HTRA4: variants seen among roughly 807,000 people sequenced by gnomAD.
HTRA4 encodes the protein HtrA serine peptidase 4, also known as serine protease HTRA4.
A neutral mutation model predicts 49.1 loss-of-function variants in HTRA4; 46 were observed. The observed-to-expected ratio is 0.94, with a 90% confidence interval of 0.74 to 1.20. HTRA4 has a LOEUF of 1.20. Among genes scored for constraint, HTRA4 ranks in the 50% most tolerant of loss-of-function variants. The pLI is 0.00. For synonymous variants in HTRA4, 261 were observed against 264.0 expected, an observed-to-expected ratio of 0.99 and a Z score of 0.11; for missense variants, 602 against 636.9, an observed-to-expected ratio of 0.95 and a Z score of 0.59.
intron 5 of HTRA4, among the ~76,000 whole-genome samples, chr8:38,979,696 T>C: frequency 6.6e-6 from 1 of 152,166 alleles, no homozygotes; most frequent in East Asian, 1.9e-4. Flanking sequence ...TTTATTTATT[T>C]AATAGAGACG....
chr8:38,984,441 T>C (rs546287734), intron 8 of HTRA4, among the ~76,000 whole-genome samples: 86 of 151,780 alleles, frequency 5.7e-4, no homozygotes, highest in African/African-American at 2.0e-3. Flanking sequence ...GGTGAAACCC[T>C]GTCTCTACAA....
chr8:38,975,982 A>C (rs1415671780), intron 2 of HTRA4, among the ~76,000 whole-genome samples: 1 of 152,240 alleles, frequency 6.6e-6, no homozygotes, highest in Non-Finnish European at 1.5e-5. Flanking sequence ...CTGAAGAAGC[A>C]GTGTCCCTGG....
chr8:38,974,498 G>A lies in HTRA4; in HGVS notation c.235G>A (p.Val79Ile), dbSNP rs573980869. ...CGTCTGCCCCGCGGCCGAGCGTGAAGTCTGCGGCGGGGCGCAGGGCCAACC... is the reference window on the plus strand; with the variant it reads ...CGTCTGCCCCGCGGCCGAGCGTGAAATCTGCGGCGGGGCGCAGGGCCAACC... ...CRVCPAAERE[V>I]CGGAQGQPCA... Residue 79 changes from valine to isoleucine, a missense_variant, in exon 1 of 9, where the codon GTC becomes ATC. Transcript: ENST00000302495. 6.7e-7 allele frequency: 1 copy of A among 1,498,530 alleles called. No homozygotes were observed. The highest frequency in any genetic ancestry group is 2.7e-5 in the East Asian group (1 of 37,648). The allele number at this position is 1,498,530 out of a possible 1,614,324, so 92.8% of individuals were successfully genotyped here.
intron 8 of HTRA4, among the ~76,000 whole-genome samples, chr8:38,983,541 A>T (rs1379019518): frequency 6.6e-6 from 1 of 152,160 alleles, no homozygotes; most frequent in Non-Finnish European, 1.5e-5. Flanking sequence ...AAAAAATATT[A>T]TCATTATATA....
At chr8:38,980,297 A>G (rs1034249362) in intron 5 of HTRA4, among the ~76,000 whole-genome samples, 1 of 151,096 alleles carries the variant, frequency 6.6e-6, no homozygotes, top group African/African-American at 2.4e-5. Context: ...TACTCATAGC[A>G]TTGCATGTCA....
At chr8:38,981,077 T>TTTTTTTG (rs1564179022) in intron 5 of HTRA4, among the ~76,000 whole-genome samples, 90 of 105,180 alleles carry the variant, frequency 8.6e-4, no homozygotes, top group East Asian at 6.5e-3. Flanking sequence ...TTTTTTTTTT[T>TTTTTTTG]TTTTTTTTTT....
At position 38,981,763 on chromosome 8, in the gene HTRA4, G is replaced by GA; in HGVS notation, c.1113dup (p.Gly372ArgfsTer7). 1 of 1,603,420 alleles carries GA rather than the reference G, an allele frequency of 6.2e-7. No homozygotes were observed. Among genetic ancestry groups the GA allele is most frequent in the South Asian group, 1.1e-5 (1 of 90,046 alleles). On this transcript the variant is annotated frameshift_variant, in exon 6 of 9. Transcript: ENST00000302495. LOFTEE classifies it high-confidence loss of function. Reference sequence around the variant, plus strand: ...TGGCAGAATACCATGAGCACCAGATGAAAGGTAAAGCAAGTTGGGATTTTT... The same window carrying GA: ...TGGCAGAATACCATGAGCACCAGATGAAAAGGTAAAGCAAGTTGGGATTTTT...
chr8:38,976,668 G>T lies in HTRA4; in HGVS notation c.700G>T (p.Ala234Ser), dbSNP rs138567982. Residue 234 changes from alanine (A) to serine (S), a missense_variant, in exon 3 of 9, where the codon GCC becomes TCC. Ala to Ser is a moderately conservative substitution (Grantham distance 99). Transcript: ENST00000302495. ...GATTGAGGTGGTGCTCCAGAATGGGGCCCGTTATGAAGCTGTTGTCAAGGA... is the reference window on the plus strand; with the variant it reads ...GATTGAGGTGGTGCTCCAGAATGGGTCCCGTTATGAAGCTGTTGTCAAGGA... Reference protein sequence around the residue: ...QWIEVVLQNGARYEAVVKDID... With the variant: ...QWIEVVLQNGSRYEAVVKDID... The T allele has an allele frequency of 1.9e-3, 3,093 of 1,614,208 alleles. 5 individuals carry two copies. The highest frequency in any genetic ancestry group is 1.8e-3 in the Non-Finnish European group (2,142 of 1,180,036).
At chr8:38,986,550 G>A (rs897436464) in intron 8 of HTRA4, among the ~76,000 whole-genome samples, 3 of 152,200 alleles carry the variant, frequency 2.0e-5, no homozygotes, top group Non-Finnish European at 2.9e-5. Flanking sequence ...ATTACAGTGT[G>A]AGCCACTGCT....
At chr8:38,980,755 A>C (rs1835408636) in intron 5 of HTRA4, among the ~76,000 whole-genome samples, 1 of 151,782 alleles carries the variant, frequency 6.6e-6, no homozygotes, top group South Asian at 2.1e-4. Context: ...AAAGAAAAAA[A>C]AAAAGAAATC....
rs746105812 is a variant in HTRA4, at chr8:38,981,081, T to TG, written c.1000-572_1000-571insG. Among the ~76,000 whole-genome samples, 701 of 128,870 alleles carry TG rather than the reference T, an allele frequency of 5.4e-3. 37 individuals carry two copies. Among genetic ancestry groups the TG allele is most frequent in the Middle Eastern group, 0.022 (6 of 274 alleles). 84.5% of individuals were successfully genotyped at this position (128,870 alleles called of 152,430 possible). On this transcript the variant is annotated intron_variant, in intron 5 of 8. Transcript: ENST00000302495. Reference sequence around the variant, plus strand: ...AGCTTAAGTTTTTTTTTTTTTTTTTTTTTTTTTTTTTTTTTTGAGACGGAG... The same window carrying TG: ...AGCTTAAGTTTTTTTTTTTTTTTTTTGTTTTTTTTTTTTTTTTGAGACGGAG...
At chr8:38,980,711 C>T (rs1423265663) in intron 5 of HTRA4, among the ~76,000 whole-genome samples, 1 of 151,724 alleles carries the variant, frequency 6.6e-6, no homozygotes, top group African/African-American at 2.4e-5. Flanking sequence ...GCACTCCAGC[C>T]TGGGCAACAC....
Position 38,975,107 on chromosome 8 carries a change from G to T in HTRA4, c.543G>T (p.Val181=), listed in dbSNP as rs905049245. Residue 181 remains valine, a synonymous_variant, in exon 2 of 9, where the codon GTG becomes GTT. Transcript: ENST00000302495. ...TGGTGGAGAAGGTGGCGCCATCGGTGGTTCACGTGCAGCTGTGGGGCAGGT... is the reference window on the plus strand; with the variant it reads ...TGGTGGAGAAGGTGGCGCCATCGGTTGTTCACGTGCAGCTGTGGGGCAGGT... ...AAVVEKVAPS[V]VHVQLWGRLL... The T allele has an allele frequency of 6.2e-7, 1 of 1,613,806 alleles. No homozygotes were observed. Among genetic ancestry groups the T allele is most frequent in the Non-Finnish European group, 8.5e-7 (1 of 1,180,018 alleles).
chr8:38,974,634 C>T lies in HTRA4; in HGVS notation c.371C>T (p.Pro124Leu). 1 of 1,415,150 alleles carries T rather than the reference C, an allele frequency of 7.1e-7. No individual in the cohort carries two copies. Among genetic ancestry groups the T allele is most frequent in the Non-Finnish European group, 9.1e-7 (1 of 1,093,510 alleles). 87.7% of individuals were successfully genotyped at this position (1,415,150 alleles called of 1,614,324 possible). Residue 124 changes from proline to leucine, a missense_variant, in exon 1 of 9, where the codon CCC (proline) becomes CTC (leucine). Coordinates refer to ENST00000302495, the MANE Select transcript of HTRA4 (RefSeq NM_153692.4). ...TGCGGCAGCGACAGGCGCACCTACC[C>T]CAGCATGTGCGCGCTCCGGGCCGAA... The part of the protein sequence containing the change: ...AVCGSDRRTY[P>L]SMCALRAENR...
intron 5 of HTRA4, among the ~76,000 whole-genome samples, chr8:38,980,214 C>T (rs936259038): frequency 3.3e-5 from 5 of 151,554 alleles, no homozygotes; most frequent in South Asian, 2.1e-4. Context: ...GCACTGATTG[C>T]TTTTGGTTCC....
At chr8:38,975,583 A>AT (rs1210465608) in intron 2 of HTRA4, among the ~76,000 whole-genome samples, 9 of 152,052 alleles carry the variant, frequency 5.9e-5, no homozygotes, top group Admixed American at 2.0e-4. Context: ...TAATATTTGT[A>AT]TTTTTTTGTA....
intron 8 of HTRA4, among the ~76,000 whole-genome samples, chr8:38,985,042 G>C (rs992698271): frequency 6.6e-6 from 1 of 152,186 alleles, no homozygotes; most frequent in South Asian, 2.1e-4. Context: ...GGCTAGGACA[G>C]CTTCCAAAAG....
At chr8:38,983,448 C>G (rs1835447424) in intron 8 of HTRA4, among the ~76,000 whole-genome samples, 1 of 151,988 alleles carries the variant, frequency 6.6e-6, no homozygotes, top group South Asian at 2.1e-4. Context: ...ATCGCTTGAA[C>G]ATGGGAGGCA....
intron 5 of HTRA4, among the ~76,000 whole-genome samples, chr8:38,980,455 C>T (rs1199016252): frequency 1.3e-5 from 2 of 151,956 alleles, no homozygotes; most frequent in Admixed American, 6.5e-5. Context: ...TGGCTGGGTA[C>T]GGTGGCTCAC....
Sources: allele counts gnomAD v4.1 joint callset (sites outside exome capture counted in the v4.1 genomes callset), GRCh38; gene constraint gnomAD v4.1.1; transcripts MANE v1.5; gene names NCBI Gene and HGNC (gene_info 2026-07-23, HGNC 2026-07-21).